DNAJC1: variants seen among roughly 807,000 people sequenced by gnomAD.
DNAJC1 encodes dnaJ homolog subfamily C member 1.
A neutral mutation model predicts 76.6 loss-of-function variants in DNAJC1; 58 were observed. The ratio of observed to expected loss-of-function variants is 0.76; its 90% CI spans 0.61 to 0.94. DNAJC1 has a LOEUF of 0.94. DNAJC1 is among the 40% of genes least tolerant of loss of function. The pLI, the probability that DNAJC1 is intolerant of heterozygous loss-of-function variation, is 0.00. For missense variants in DNAJC1, 689 were observed against 677.3 expected (o/e 1.02, Z -0.19); for synonymous variants, 258 against 267.9 (o/e 0.96, Z 0.36).
intron 9 of DNAJC1, among the ~76,000 whole-genome samples, chr10:21,780,878 TC>T (rs1834519754): frequency 6.6e-6 from 1 of 151,876 alleles, no homozygotes; most frequent in Non-Finnish European, 1.5e-5. Context: ...ACACACAGGC[TC>T]AAAATAAAGA....
intron 9 of DNAJC1, 54 bp from the exon 10 acceptor site, chr10:21,766,363 T>G: frequency 7.5e-7 from 1 of 1,327,724 alleles, no homozygotes; most frequent in Non-Finnish European, 1.1e-6. Context: ...TACTATATGC[T>G]GAGTGAAACG....
intron 1 of DNAJC1, among the ~76,000 whole-genome samples, chr10:21,962,299 T>C (rs1197704898): frequency 6.6e-6 from 1 of 151,958 alleles, no homozygotes; most frequent in Admixed American, 6.6e-5. Context: ...AATTAATGTA[T>C]AGTAATTTAT....
intron 8 of DNAJC1, among the ~76,000 whole-genome samples, chr10:21,877,557 T>TAACCATAAGA (rs1836206645): frequency 6.6e-6 from 1 of 152,116 alleles, no homozygotes; most frequent in Admixed American, 6.5e-5. Flanking sequence ...CAGTATCCAA[T>TAACCATAAGA]AACCATAAGA....
intron 1 of DNAJC1, among the ~76,000 whole-genome samples, chr10:22,000,774 C>T (rs928054903): frequency 1.2e-4 from 19 of 152,186 alleles, no homozygotes; most frequent in Admixed American, 9.2e-4. Flanking sequence ...CTGCCCTGCC[C>T]GTACCACCAT....
In DNAJC1 at chr10:21,882,363, A is replaced by G. The variant is rs1836297026; in HGVS notation, c.897T>C (p.Tyr299=). ...TTTCTTCTATGGAAGTTCCATGATCATAAGACTGAATATATGTAGTTTCTA... is the reference window on the plus strand; with the variant it reads ...TTTCTTCTATGGAAGTTCCATGATCGTAAGACTGAATATATGTAGTTTCTA... The part of the protein sequence containing the change: ...TPLETTYIQS[Y]DHGTSIEEIE... The change falls in exon 8 of 12, where the codon TAT becomes TAC. Residue 299 remains tyrosine (Y), a synonymous_variant. Transcript: ENST00000376980. 2 of 1,599,062 alleles carry G rather than the reference A, an allele frequency of 1.3e-6. No homozygotes were observed. Among genetic ancestry groups the G allele is most frequent in the South Asian group, 1.1e-5 (1 of 87,616 alleles).
chr10:21,808,978 G>A (rs1381966279), intron 8 of DNAJC1, among the ~76,000 whole-genome samples: 1 of 152,084 alleles, frequency 6.6e-6, no homozygotes, highest in South Asian at 2.1e-4. Context: ...ATTAAATATT[G>A]TAATGTAATG....
intron 1 of DNAJC1, among the ~76,000 whole-genome samples, chr10:21,954,644 G>A (rs76377079): frequency 0.033 from 5,043 of 152,156 alleles, 141 homozygotes; most frequent in Middle Eastern, 0.065. Context: ...TTATTAATTG[G>A]CCATCCTTTT....
At chr10:21,906,874 T>C (rs1836754981) in intron 6 of DNAJC1, among the ~76,000 whole-genome samples, 1 of 152,188 alleles carries the variant, frequency 6.6e-6, no homozygotes, top group South Asian at 2.1e-4. Context: ...TATATGTATG[T>C]TAGCTATTTT....
intron 8 of DNAJC1, among the ~76,000 whole-genome samples, chr10:21,877,927 T>G (rs928352196): frequency 1.3e-5 from 2 of 152,236 alleles, no homozygotes; most frequent in African/African-American, 4.8e-5. Context: ...GCTTATGTAC[T>G]GCATTCTTAC....
chr10:21,920,071 C>T, intron 4 of DNAJC1, 142 bp from the exon 5 acceptor site: 1 of 510,392 alleles, frequency 2.0e-6, no homozygotes, highest in Non-Finnish European at 3.4e-6. Flanking sequence ...TAAGTAAAAT[C>T]ATCAATCTTT....
At chr10:21,925,143 T>A (rs377165834) in intron 3 of DNAJC1, among the ~76,000 whole-genome samples, 1 of 152,134 alleles carries the variant, frequency 6.6e-6, no homozygotes, top group Non-Finnish European at 1.5e-5. Flanking sequence ...ACCCAAGTAG[T>A]TGGGACTACA....
intron 1 of DNAJC1, among the ~76,000 whole-genome samples, chr10:21,953,072 C>A (rs1418322726): frequency 6.6e-6 from 1 of 151,984 alleles, no homozygotes; most frequent in Non-Finnish European, 1.5e-5. Context: ...ACTCTCTTGA[C>A]TGTAAAAGGA....
chr10:21,865,443 A>G (rs1008149365), intron 8 of DNAJC1: 1 of 152,198 alleles, frequency 6.6e-6, no homozygotes, highest in Non-Finnish European at 1.5e-5. Context: ...TTTCAGACTT[A>G]TGCTTAGTGA....
Position 21,806,029 on chromosome 10 carries a change from G to C in DNAJC1, c.1049C>G (p.Pro350Arg). 1 of 1,611,818 alleles carries C rather than the reference G, an allele frequency of 6.2e-7. No homozygotes were observed. The highest frequency in any genetic ancestry group is 8.5e-7 in the Non-Finnish European group (1 of 1,179,692). Residue 350 changes from proline to arginine, a missense_variant, in exon 9 of 12, where the codon CCA (proline) becomes CGA (arginine). Pro to Arg is a moderately radical substitution (Grantham distance 103). Transcript: ENST00000376980. ...GTGGGCAATCTTTTCCCATCGACCT[G>C]GAGTCCCTCCTGGGAACTTAACCAT... is the stretch of plus-strand genomic sequence containing the variant. ...RSMVKFPGGT[P>R]GRWEKIAHEL...
intron 9 of DNAJC1, among the ~76,000 whole-genome samples, chr10:21,800,039 C>G (rs1198970629): frequency 6.6e-6 from 1 of 152,202 alleles, no homozygotes; most frequent in Non-Finnish European, 1.5e-5. Context: ...TTTTCCATGT[C>G]TCCTCCTTGA....
At chr10:21,805,887 A>G in intron 9 of DNAJC1, 93 bp downstream of exon 9, 1 of 1,534,226 alleles carries the variant, frequency 6.5e-7, no homozygotes. Context: ...TCCCCTCCCC[A>G]AAGATACTGT....
chr10:21,864,545 C>G (rs1301842770), intron 8 of DNAJC1, among the ~76,000 whole-genome samples: 1 of 151,954 alleles, frequency 6.6e-6, no homozygotes, highest in Non-Finnish European at 1.5e-5. Flanking sequence ...TTGCTTGAAC[C>G]CGGGGGGTGG....
rs1835248805 is a variant in DNAJC1, at chr10:21,826,237, C to CAAAAAAAGAAAAA, written c.979-20139_979-20138insTTTTTCTTTTTTT. On this transcript the variant is annotated intron_variant, in intron 8 of 11. Transcript: ENST00000376980. ...TGGGCAACAAGAATGAGACTTTGTC[C>CAAAAAAAGAAAAA]AAAAAAAAAAAAGAAGAAGAGGAGA... Among the ~76,000 whole-genome samples the CAAAAAAAGAAAAA allele has an allele frequency of 1.0e-4, 8 of 77,492 alleles. No individual in the cohort carries two copies. The Admixed American group carries it at 1.0e-3, about 10-fold the overall frequency. 50.8% of individuals were successfully genotyped at this position (77,492 alleles called of 152,430 possible).
intron 6 of DNAJC1, among the ~76,000 whole-genome samples, chr10:21,905,361 TC>T (rs1377924435): frequency 6.6e-6 from 1 of 151,640 alleles, no homozygotes; most frequent in Non-Finnish European, 1.5e-5. Flanking sequence ...GCAAAACAGA[TC>T]TTTTACCACA....
Sources: gnomAD v4.1 joint callset for allele counts (sites outside exome capture counted in the v4.1 genomes callset) on GRCh38, gnomAD v4.1.1 for gene constraint, MANE v1.5 for transcripts, NCBI Gene and HGNC (gene_info 2026-07-23, HGNC 2026-07-21) for gene names.